LRBA: variants seen among roughly 807,000 people sequenced by gnomAD.
LRBA encodes LPS responsive beige-like anchor protein.
LRBA carries 176 observed loss-of-function variants against 330.0 expected under a neutral mutation model. The ratio of observed to expected loss-of-function variants is 0.53; its 90% CI spans 0.47 to 0.60. The LOEUF (loss-of-function observed/expected upper bound fraction) is 0.60. Ranked by LOEUF, LRBA falls within the 20% of genes least tolerant of loss-of-function variation. The pLI is 0.00. For synonymous variants in LRBA, 1,230 were observed against 1,193.0 expected (o/e 1.03, Z -0.64); for missense variants, 3,259 against 3,444.8 (o/e 0.95, Z 1.35).
At chr4:151,008,731 T>C (rs1744419121) in intron 2 of LRBA, among the ~76,000 whole-genome samples, 1 of 151,384 alleles carries the variant, frequency 6.6e-6, no homozygotes, top group Non-Finnish European at 1.5e-5. Flanking sequence ...TCCGAGCACT[T>C]TGGGAGGCTG....
chr4:150,463,016 G>A (rs1229842127), intron 44 of LRBA, among the ~76,000 whole-genome samples: 1 of 151,912 alleles, frequency 6.6e-6, no homozygotes, highest in Non-Finnish European at 1.5e-5. Context: ...TAAAAGGAAT[G>A]AGGTACTTTT....
intron 47 of LRBA, among the ~76,000 whole-genome samples, chr4:150,350,614 C>T (rs1737020277): frequency 6.6e-6 from 1 of 151,486 alleles, no homozygotes; most frequent in African/African-American, 2.4e-5. Context: ...TAGTTTCTAC[C>T]AGAATCTGTC....
At chr4:151,000,926 C>G (rs1386377647) in intron 2 of LRBA, among the ~76,000 whole-genome samples, 1 of 152,232 alleles carries the variant, frequency 6.6e-6, no homozygotes, top group African/African-American at 2.4e-5. Context: ...TGCGGGGAAA[C>G]AGTAAGTGGG....
intron 37 of LRBA, among the ~76,000 whole-genome samples, chr4:150,669,589 T>TC (rs1781867780): frequency 6.6e-6 from 1 of 151,930 alleles, no homozygotes; most frequent in Non-Finnish European, 1.5e-5. Flanking sequence ...TTTTTTTTTT[T>TC]CCCTCTGGCT....
chr4:150,892,798 T>A (rs1019280344), intron 17 of LRBA, among the ~76,000 whole-genome samples: 2 of 152,178 alleles, frequency 1.3e-5, no homozygotes, highest in Admixed American at 6.5e-5. Flanking sequence ...AGCTCTATAA[T>A]AGCACTCACC....
At chr4:150,924,075 T>C (rs1733615757) in intron 4 of LRBA, among the ~76,000 whole-genome samples, 1 of 150,894 alleles carries the variant, frequency 6.6e-6, no homozygotes, top group African/African-American at 2.4e-5. Flanking sequence ...AAATACAGTA[T>C]TATAGCATGT....
intron 37 of LRBA, among the ~76,000 whole-genome samples, chr4:150,649,443 A>G (rs916208890): frequency 6.6e-6 from 1 of 152,118 alleles, no homozygotes; most frequent in African/African-American, 2.4e-5. Context: ...GCTTTCACTT[A>G]TCTTCCTTCA....
intron 47 of LRBA, among the ~76,000 whole-genome samples, chr4:150,409,049 G>A (rs756289158): frequency 6.6e-6 from 1 of 152,002 alleles, no homozygotes; most frequent in Non-Finnish European, 1.5e-5. Context: ...TGAAAATTGG[G>A]TCATTACAGA....
At chr4:150,662,349 T>C (rs1410636273) in intron 37 of LRBA, among the ~76,000 whole-genome samples, 1 of 152,216 alleles carries the variant, frequency 6.6e-6, no homozygotes, top group Non-Finnish European at 1.5e-5. Flanking sequence ...GGATATTACA[T>C]GAAACTGCAA....
intron 48 of LRBA, among the ~76,000 whole-genome samples, chr4:150,347,513 G>A (rs1212277073): frequency 2.0e-5 from 3 of 152,046 alleles, no homozygotes; most frequent in African/African-American, 7.2e-5. Flanking sequence ...AGGCGTGGTG[G>A]CAGGCACCTG....
intron 37 of LRBA, among the ~76,000 whole-genome samples, chr4:150,658,937 TCC>T (rs1283696054): frequency 1.8e-5 from 1 of 56,150 alleles, no homozygotes; most frequent in Non-Finnish European, 5.3e-5. Context: ...CGGGCCGGTC[TCC>T]AGCCCCTAAC....
At chr4:150,729,237 C>G (rs1371407642) in intron 36 of LRBA, among the ~76,000 whole-genome samples, 3 of 152,024 alleles carry the variant, frequency 2.0e-5, no homozygotes, top group African/African-American at 7.2e-5. Context: ...CAGACTGAGC[C>G]CAGAAGCTCA....
chr4:150,830,407 C>G (rs1441033617), intron 29 of LRBA, among the ~76,000 whole-genome samples: 1 of 152,138 alleles, frequency 6.6e-6, no homozygotes, highest in Non-Finnish European at 1.5e-5. Context: ...TGAAGGAAAC[C>G]AGGAACTCAG....
intron 48 of LRBA, among the ~76,000 whole-genome samples, chr4:150,333,204 G>A (rs755503537): frequency 1.6e-4 from 24 of 152,204 alleles, no homozygotes; most frequent in Admixed American, 9.2e-4. Flanking sequence ...ACTCAGTACA[G>A]CACTTAGTAA....
chr4:150,864,393 CATT>C (rs1752407616), intron 22 of LRBA, among the ~76,000 whole-genome samples: 1 of 152,000 alleles, frequency 6.6e-6, no homozygotes, highest in Non-Finnish European at 1.5e-5. Flanking sequence ...ATATAAATAA[CATT>C]TTTTGAAAAT....
In LRBA at chr4:150,656,691, T is replaced by C. The variant is rs537283878; in HGVS notation, c.5921+26860A>G. On this transcript the variant is annotated intron_variant, in intron 37 of 56. Coordinates refer to ENST00000651943, the MANE Select transcript of LRBA (RefSeq NM_001364905.1). ...ACAACTGTAAGTATTACTAAATAAA[T>C]GTTTATTGGGCACTATAATATTATA... Among the ~76,000 whole-genome samples, 4 of 152,282 alleles carry C rather than the reference T, an allele frequency of 2.6e-5. No homozygotes were observed. In the South Asian group the frequency reaches 8.3e-4, roughly 32 times the overall value.
intron 50 of LRBA, among the ~76,000 whole-genome samples, chr4:150,319,353 T>C (rs989026623): frequency 5.9e-5 from 9 of 152,100 alleles, no homozygotes; most frequent in Non-Finnish European, 8.8e-5. Context: ...AGCATCATCA[T>C]TGGTGGTCCT....
Position 150,650,816 on chromosome 4 carries a change from T to C in LRBA, c.5921+32735A>G, listed in dbSNP as rs538363317. Among the ~76,000 whole-genome samples the C allele has an allele frequency of 1.5e-4, 23 of 152,308 alleles. No individual in the cohort carries two copies. The South Asian group carries it at 4.8e-3, about 32-fold the overall frequency. ...CCAAAAAAAAAAGTCTACTTCTATT[T>C]ACAATAAATAAAACTAATCCATATT... On this transcript the variant is annotated intron_variant, in intron 37 of 56. Transcript: ENST00000651943.
intron 36 of LRBA, 68 bp from the exon 37 acceptor site, chr4:150,683,785 A>G: frequency 1.6e-6 from 2 of 1,234,276 alleles, no homozygotes; most frequent in Non-Finnish European, 2.2e-6. Context: ...TTATGAAATA[A>G]TCTTTACCCT....
Sources: allele counts gnomAD v4.1 joint callset (sites outside exome capture counted in the v4.1 genomes callset), GRCh38; gene constraint gnomAD v4.1.1; transcripts MANE v1.5; gene names NCBI Gene and HGNC (gene_info 2026-07-23, HGNC 2026-07-21).